The following FHOD3 variants were observed in gnomAD, a reference collection of about 807,000 sequenced individuals.
The protein encoded by FHOD3 is formin homology 2 domain containing 3.
In FHOD3, 90 loss-of-function variants were observed where a neutral mutation model predicts 173.0. The observed-to-expected ratio is 0.52, with a 90% CI of 0.44 to 0.62. The LOEUF (loss-of-function observed/expected upper bound fraction) is 0.62. Among genes scored for constraint, FHOD3 ranks in the 20% least tolerant of loss-of-function variants. The pLI is 0.00. For synonymous variants in FHOD3, 828 were observed against 823.0 expected (o/e 1.01, Z -0.10); for missense variants, 1,945 against 2,034.7 (o/e 0.96, Z 0.85).
chr18:36,330,399 T>C (rs939427679), intron 1 of FHOD3, among the ~76,000 whole-genome samples: 3 of 152,220 alleles, frequency 2.0e-5, no homozygotes, highest in East Asian at 1.9e-4. Flanking sequence ...TAAGGACTTA[T>C]TGTGCATTGC....
chr18:36,440,154 A>G (rs559048517), intron 3 of FHOD3, among the ~76,000 whole-genome samples: 1 of 152,324 alleles, frequency 6.6e-6, no homozygotes, highest in African/African-American at 2.4e-5. Flanking sequence ...TTTGTTTCGA[A>G]TAAGCTCCCA....
At chr18:36,753,429 A>G (rs1366270806) in intron 24 of FHOD3, among the ~76,000 whole-genome samples, 4 of 152,242 alleles carry the variant, frequency 2.6e-5, no homozygotes. Flanking sequence ...TTATCCATGC[A>G]TTATATCCAT....
chr18:36,446,182 C>T (rs1447149032), intron 3 of FHOD3, among the ~76,000 whole-genome samples: 3 of 152,180 alleles, frequency 2.0e-5, no homozygotes, highest in Non-Finnish European at 2.9e-5. Flanking sequence ...AACCAGACCT[C>T]GTGGTAGGCT....
chr18:36,406,097 TTTTTTG>T (rs1555694719), intron 3 of FHOD3, among the ~76,000 whole-genome samples: 1 of 151,040 alleles, frequency 6.6e-6, no homozygotes, highest in Non-Finnish European at 1.5e-5. Flanking sequence ...TTGTTTTTGT[TTTTTTG>T]TTTTTGTTTT....
intron 7 of FHOD3, among the ~76,000 whole-genome samples, chr18:36,601,647 T>G (rs942997149): frequency 6.6e-6 from 1 of 152,206 alleles, no homozygotes; most frequent in African/African-American, 2.4e-5. Flanking sequence ...ATTTGGAAAC[T>G]ACTGTATTTA....
At position 36,469,086 on chromosome 18, in the gene FHOD3, C is replaced by A. The variant is rs555824017; in HGVS notation, c.338-32846C>A. Among the ~76,000 whole-genome samples, 7 of 152,252 alleles carry A rather than the reference C, an allele frequency of 4.6e-5. No homozygotes were observed. In the East Asian group the frequency reaches 1.2e-3, roughly 25 times the overall value. On this transcript the variant is annotated intron_variant, in intron 3 of 28. Coordinates refer to ENST00000590592, the MANE Select transcript of FHOD3 (RefSeq NM_001281740.3). The stretch of plus-strand genomic sequence containing the variant: ...AGTTTCCCTTGCCATACTTGGGGGT[C>A]TTTCCCCTTAGAACTGTGACCACTG...
At chr18:36,379,352 A>G (rs148187965) in intron 3 of FHOD3, among the ~76,000 whole-genome samples, 177 of 152,316 alleles carry the variant, frequency 1.2e-3, no homozygotes, top group Admixed American at 4.5e-3. Flanking sequence ...GCTTCATTTC[A>G]TATTTGTATT....
chr18:36,299,549 A>G (rs1343897543), intron 1 of FHOD3, among the ~76,000 whole-genome samples: 2 of 152,126 alleles, frequency 1.3e-5, no homozygotes, highest in African/African-American at 2.4e-5. Flanking sequence ...TTGGATTTCA[A>G]ACCTTATATA....
rs553079656 is a variant in FHOD3 at position 36,730,587 on chromosome 18, A to C, written c.3418-59A>C. ...AAGTAGTGAGTGCTTTTAATAATGA[A>C]ATGCAGAAAGGACCCAAGATGATGC... is the stretch of plus-strand genomic sequence containing the variant. On this transcript the variant is annotated intron_variant, in intron 19 of 28. Coordinates refer to ENST00000590592, the MANE Select transcript of FHOD3 (RefSeq NM_001281740.3). 111 of 1,546,958 alleles carry C rather than the reference A, an allele frequency of 7.2e-5. 1 individual carries two copies. The South Asian group carries it at 8.6e-4, about 12-fold the overall frequency.
At chr18:36,745,864 C>T (rs59628701) in intron 23 of FHOD3, among the ~76,000 whole-genome samples, 37,813 of 150,820 alleles carry the variant, frequency 0.25, 5,297 homozygotes, top group East Asian at 0.4. Context: ...CCACGCACCT[C>T]GTGCTCAACC....
chr18:36,659,750 G>T (rs546554721), intron 14 of FHOD3, among the ~76,000 whole-genome samples: 2 of 152,320 alleles, frequency 1.3e-5, no homozygotes, highest in Admixed American at 6.5e-5. Flanking sequence ...AGGGGTCCAT[G>T]TGGCCCACAA....
chr18:36,397,782 G>A (rs762796083), intron 3 of FHOD3, among the ~76,000 whole-genome samples: 6 of 152,114 alleles, frequency 3.9e-5, no homozygotes, highest in East Asian at 1.9e-4. Flanking sequence ...CTAGGGGTCC[G>A]CACTCTAGGG....
intron 3 of FHOD3, among the ~76,000 whole-genome samples, chr18:36,394,844 C>A (rs374784069): frequency 1.3e-5 from 2 of 152,268 alleles, no homozygotes; most frequent in East Asian, 1.9e-4. Context: ...GTTTCTGAGC[C>A]TCCTCAATGG....
rs75274491 is a variant in FHOD3 at position 36,311,465 on chromosome 18, G to C, written c.165+13465G>C. 9.4e-3 allele frequency among the ~76,000 whole-genome samples: 1,426 copies of C among 152,276 alleles called. 15 individuals carry two copies. The highest frequency in any genetic ancestry group is 0.033 in the African/African-American group (1,351 of 41,540). ...TCCATGTCAGACAGACCTGAGCTCC[G>C]TGTTTCTAATGAAATCTTCGGACAG... On this transcript the variant is annotated intron_variant, in intron 1 of 28. Transcript: ENST00000590592.
At chr18:36,509,129 C>T (rs1271173279) in intron 4 of FHOD3, among the ~76,000 whole-genome samples, 1 of 152,096 alleles carries the variant, frequency 6.6e-6, no homozygotes, top group African/African-American at 2.4e-5. Flanking sequence ...GACAAATGAC[C>T]CGGTTTCTTC....
intron 3 of FHOD3, among the ~76,000 whole-genome samples, chr18:36,485,247 G>T (rs1276547961): frequency 6.6e-6 from 1 of 152,218 alleles, no homozygotes; most frequent in African/African-American, 2.4e-5. Context: ...CGATGAGCCT[G>T]CTGGGATCCA....
chr18:36,582,851 G>A (rs2058903640), intron 6 of FHOD3, among the ~76,000 whole-genome samples: 1 of 152,276 alleles, frequency 6.6e-6, no homozygotes, highest in South Asian at 2.1e-4. Context: ...AATCCACTAA[G>A]CCTTCCGGAT....
At chr18:36,483,630 G>A (rs963121496) in intron 3 of FHOD3, among the ~76,000 whole-genome samples, 1 of 152,136 alleles carries the variant, frequency 6.6e-6, no homozygotes, top group Non-Finnish European at 1.5e-5. Flanking sequence ...CATGAACAGG[G>A]TAGGTTTTAT....
chr18:36,345,823 T>TTTTTTAAAGAAC, intron 1 of FHOD3, among the ~76,000 whole-genome samples: 1 of 152,150 alleles, frequency 6.6e-6, no homozygotes, highest in African/African-American at 2.4e-5. Context: ...CAATAGTTCT[T>TTTTTTAAAGAAC]TAAAAAGACA....
Sources: gnomAD v4.1 joint callset for allele counts (sites outside exome capture counted in the v4.1 genomes callset) on GRCh38, gnomAD v4.1.1 for gene constraint, MANE v1.5 for transcripts, NCBI Gene and HGNC (gene_info 2026-07-23, HGNC 2026-07-21) for gene names.